The following B3GAT2 variants were observed in gnomAD, a reference collection of about 807,000 sequenced individuals.
B3GAT2 encodes the protein galactosylgalactosylxylosylprotein 3-beta-glucuronosyltransferase 2.
Under a neutral mutation model 27.8 loss-of-function variants are expected in B3GAT2, and 26 were observed. The ratio of observed to expected loss-of-function variants is 0.93; its 90% confidence interval spans 0.68 to 1.30. The LOEUF is 1.30. B3GAT2 is among the 50% of genes most tolerant of loss of function. The pLI is 0.00. For synonymous variants in B3GAT2, 218 were observed against 195.1 expected, an observed-to-expected ratio of 1.12 and a Z score of -0.98; for missense variants, 458 against 459.0, an observed-to-expected ratio of 1.00 and a Z score of 0.02.
At chr6:70,928,475 A>G (rs1773002516) in intron 1 of B3GAT2, among the ~76,000 whole-genome samples, 1 of 152,150 alleles carries the variant, frequency 6.6e-6, no homozygotes, top group African/African-American at 2.4e-5. Flanking sequence ...GAAGAATCAA[A>G]TAGATGTAAT....
intron 2 of B3GAT2, among the ~76,000 whole-genome samples, chr6:70,881,978 G>A (rs890150272): frequency 1.3e-4 from 20 of 152,242 alleles, no homozygotes; most frequent in African/African-American, 4.8e-4. Flanking sequence ...ATGGATGGAG[G>A]AATGTAGAAA....
At chr6:70,953,736 A>G (rs1765609413) in intron 1 of B3GAT2, among the ~76,000 whole-genome samples, 1 of 152,266 alleles carries the variant, frequency 6.6e-6, no homozygotes, top group Middle Eastern at 3.4e-3. Context: ...ATTACTTCCA[A>G]TTGTACAAAA....
Position 70,859,909 on chromosome 6 carries a change from G to A in B3GAT2, c.*1754C>T, listed in dbSNP as rs555614672. On this transcript the variant is annotated 3_prime_UTR_variant, in exon 4 of 4. Coordinates refer to ENST00000230053, the MANE Select transcript of B3GAT2 (RefSeq NM_080742.3). ...AGTAGTTAAAGCACAATATCCTAGT[G>A]TAGGTGAAAGTTAGTTAGAGTAGCG... 1.4e-4 allele frequency: 38 copies of A among 262,124 alleles called. No individual in the cohort carries two copies. The highest frequency in any genetic ancestry group is 7.8e-4 in the African/African-American group (35 of 45,116). 16.2% of individuals were successfully genotyped at this position (262,124 alleles called of 1,614,324 possible).
At chr6:70,949,105 G>C (rs1441181739) in intron 1 of B3GAT2, among the ~76,000 whole-genome samples, 2 of 152,008 alleles carry the variant, frequency 1.3e-5, no homozygotes, top group East Asian at 3.8e-4. Flanking sequence ...AAAAACCCTA[G>C]AAGAAAACCT....
chr6:70,902,849 A>G (rs1189877022), intron 1 of B3GAT2, among the ~76,000 whole-genome samples: 3 of 152,062 alleles, frequency 2.0e-5, no homozygotes, highest in Admixed American at 6.5e-5. Context: ...TCAAACTCAT[A>G]GAAACAGAAA....
intron 1 of B3GAT2, among the ~76,000 whole-genome samples, chr6:70,899,994 CA>C (rs1345812920): frequency 6.6e-6 from 1 of 152,196 alleles, no homozygotes; most frequent in Non-Finnish European, 1.5e-5. Context: ...CAATCTAAAA[CA>C]GAGCATTAAA....
At chr6:70,943,187 T>G (rs1156456817) in intron 1 of B3GAT2, among the ~76,000 whole-genome samples, 2 of 152,172 alleles carry the variant, frequency 1.3e-5, no homozygotes, top group Non-Finnish European at 2.9e-5. Context: ...GCAAAAAGAC[T>G]CAACCAATGA....
In B3GAT2 at chr6:70,956,838, C is replaced by T; in HGVS notation, c.-409G>A. ...TCGCCGCTCCAGTCCGGCGGTGCTG[C>T]GGGCACAAGGGCTCCAGCCGCGGGC... is the stretch of plus-strand genomic sequence containing the variant. On this transcript the variant is annotated 5_prime_UTR_variant, in exon 1 of 4. Transcript: ENST00000230053. 4.7e-6 allele frequency: 5 copies of T among 1,058,674 alleles called. No individual in the cohort carries two copies. Among genetic ancestry groups the T allele is most frequent in the Non-Finnish European group, 5.7e-6 (5 of 876,404 alleles). The allele number at this position is 1,058,674 out of a possible 1,614,324, so 65.6% of individuals were successfully genotyped here.
At chr6:70,868,723 C>T (rs1447888229) in intron 2 of B3GAT2, among the ~76,000 whole-genome samples, 1 of 152,132 alleles carries the variant, frequency 6.6e-6, no homozygotes, top group African/African-American at 2.4e-5. Context: ...TCTCTTTCCC[C>T]CCCCACGTTA....
rs1007455959 is a variant in B3GAT2, at chr6:70,930,327, T to C, written c.591+25512A>G. Reference sequence around the variant, plus strand: ...ACACCAAAAGCAATGGCAACAAAAGTCAAAATTGACAAATGGCATCTAATT... The same window carrying C: ...ACACCAAAAGCAATGGCAACAAAAGCCAAAATTGACAAATGGCATCTAATT... On this transcript the variant is annotated intron_variant, in intron 1 of 3. Coordinates refer to ENST00000230053, the MANE Select transcript of B3GAT2 (RefSeq NM_080742.3). Among the ~76,000 whole-genome samples, 38 of 151,736 alleles carry C rather than the reference T, an allele frequency of 2.5e-4. 2 individuals carry two copies.
At position 70,955,513 on chromosome 6, in the gene B3GAT2, G is replaced by T. The variant is rs138232553; in HGVS notation, c.591+326C>A. On this transcript the variant is annotated intron_variant, in intron 1 of 3. Coordinates refer to ENST00000230053, the MANE Select transcript of B3GAT2 (RefSeq NM_080742.3). ...CAGGTCTAAGCTCCATCCTCAGGTC[G>T]TCAGGAGCCTGGCCCCTGGAAATCA... Among the ~76,000 whole-genome samples the T allele has an allele frequency of 4.6e-5, 7 of 151,360 alleles. No individual in the cohort carries two copies. In the East Asian group the frequency reaches 1.2e-3, roughly 25 times the overall value.
chr6:70,876,402 G>A (rs1038656016), intron 2 of B3GAT2, among the ~76,000 whole-genome samples: 3 of 152,056 alleles, frequency 2.0e-5, no homozygotes, highest in Admixed American at 6.6e-5. Flanking sequence ...GGGGAAGGAC[G>A]GTAGTTGAGT....
intron 2 of B3GAT2, among the ~76,000 whole-genome samples, chr6:70,873,926 A>G (rs1771975809): frequency 6.6e-6 from 1 of 151,682 alleles, no homozygotes; most frequent in African/African-American, 2.4e-5. Context: ...CTCTTTATTG[A>G]TCTCTATTTG....
rs1771586075 is a variant in B3GAT2, at chr6:70,859,245, A to G, written c.*2418T>C. ...ATTGTATGTGCTAAGTGTCAGTCACATGGTCAACATGCTGAAGCACACCCA... is the reference window on the plus strand; with the variant it reads ...ATTGTATGTGCTAAGTGTCAGTCACGTGGTCAACATGCTGAAGCACACCCA... On this transcript the variant is annotated 3_prime_UTR_variant, in exon 4 of 4. Transcript: ENST00000230053. 2.2e-6 allele frequency: 2 copies of G among 902,826 alleles called. No homozygotes were observed. The highest frequency in any genetic ancestry group is 1.7e-5 in the African/African-American group (1 of 59,784). 55.9% of individuals were successfully genotyped at this position (902,826 alleles called of 1,614,324 possible).
intron 1 of B3GAT2, among the ~76,000 whole-genome samples, chr6:70,919,796 TATGAG>T (rs1772836434): frequency 6.6e-6 from 1 of 152,086 alleles, no homozygotes; most frequent in South Asian, 2.1e-4. Flanking sequence ...CACCCGCCTG[TATGAG>T]ATGTCTGTTG....
At chr6:70,888,954 T>C (rs1772237333) in intron 2 of B3GAT2, among the ~76,000 whole-genome samples, 1 of 152,232 alleles carries the variant, frequency 6.6e-6, no homozygotes, top group Non-Finnish European at 1.5e-5. Flanking sequence ...GTACTCATTT[T>C]CGACCCCACG....
At chr6:70,879,589 G>A (rs978764785) in intron 2 of B3GAT2, among the ~76,000 whole-genome samples, 1 of 152,198 alleles carries the variant, frequency 6.6e-6, no homozygotes, top group African/African-American at 2.4e-5. Flanking sequence ...CTGCATCTTA[G>A]AGTCATTATA....
chr6:70,943,991 T>A (rs1386590650), intron 1 of B3GAT2, among the ~76,000 whole-genome samples: 1 of 152,184 alleles, frequency 6.6e-6, no homozygotes, highest in Non-Finnish European at 1.5e-5. Context: ...AATTGTAAGG[T>A]AATGAATATA....
At chr6:70,918,481 TCATAG>T (rs1772813172) in intron 1 of B3GAT2, among the ~76,000 whole-genome samples, 2 of 152,222 alleles carry the variant, frequency 1.3e-5, no homozygotes, top group South Asian at 4.1e-4. Flanking sequence ...TGCAGTTTCT[TCATAG>T]CATCGATGGT....
Sources: gnomAD v4.1 joint callset for allele counts (sites outside exome capture counted in the v4.1 genomes callset) on GRCh38, gnomAD v4.1.1 for gene constraint, MANE v1.5 for transcripts, NCBI Gene and HGNC (gene_info 2026-07-23, HGNC 2026-07-21) for gene names.